TULP4: variants seen among roughly 807,000 people sequenced by gnomAD.
The protein encoded by TULP4 is TUB like protein 4.
A neutral mutation model predicts 129.0 loss-of-function variants in TULP4; 16 were observed. The observed-to-expected ratio is 0.12, with a 90% CI of 0.08 to 0.19. The LOEUF (loss-of-function observed/expected upper bound fraction) is 0.19. TULP4 is among the 10% of genes least tolerant of loss of function. TULP4 has a pLI of 1.00. For missense variants in TULP4, 1,842 were observed against 2,059.1 expected, an observed-to-expected ratio of 0.89 and a Z score of 2.04; for synonymous variants, 998 against 854.0, an observed-to-expected ratio of 1.17 and a Z score of -2.94.
chr6:158,465,106 A>G (rs1005805717), intron 6 of TULP4, among the ~76,000 whole-genome samples: 3 of 152,166 alleles, frequency 2.0e-5, no homozygotes, highest in African/African-American at 7.2e-5. Flanking sequence ...TAAACCCCAA[A>G]GGGATGGGGG....
chr6:158,379,335 C>CA lies in TULP4; in HGVS notation c.253-33730_253-33729insA, dbSNP rs1190178163. On this transcript the variant is annotated intron_variant, in intron 1 of 13. Transcript: ENST00000367097. ...TTTCTCAAGGGATTGCCCCAACTCT[C>CA]TTGAGGTAGGGCCAGTGAGGATTCC... Among the ~76,000 whole-genome samples, 4 of 152,156 alleles carry CA rather than the reference C, an allele frequency of 2.6e-5. No individual in the cohort carries two copies. The East Asian group carries it at 5.8e-4, about 22-fold the overall frequency.
At chr6:158,482,923 C>T (rs1779980317) in intron 8 of TULP4, among the ~76,000 whole-genome samples, 1 of 152,206 alleles carries the variant, frequency 6.6e-6, no homozygotes, top group African/African-American at 2.4e-5. Flanking sequence ...CCTTCCGGTT[C>T]ATGTTTATCA....
At chr6:158,440,220 A>G (rs907677848) in intron 3 of TULP4, among the ~76,000 whole-genome samples, 1 of 142,138 alleles carries the variant, frequency 7.0e-6, no homozygotes, top group African/African-American at 2.6e-5. Context: ...GGGGAGGCTG[A>G]GGTGGGAGGA....
At chr6:158,320,207 T>C (rs1779593157) in intron 1 of TULP4, among the ~76,000 whole-genome samples, 1 of 152,204 alleles carries the variant, frequency 6.6e-6, no homozygotes, top group South Asian at 2.1e-4. Context: ...ATTTGTCCTT[T>C]TACTGTGAAG....
intron 1 of TULP4, among the ~76,000 whole-genome samples, chr6:158,246,023 GGTGTGTGTGTGTGT>G (rs66690741): frequency 6.4e-4 from 93 of 145,920 alleles, no homozygotes; most frequent in East Asian, 4.1e-3. Context: ...ACCCCTTAGG[GGTGTGTGTGTGTGT>G]GTGTGTGTGT....
At chr6:158,397,546 A>G (rs868762547) in intron 1 of TULP4, among the ~76,000 whole-genome samples, 3 of 151,300 alleles carry the variant, frequency 2.0e-5, no homozygotes, top group African/African-American at 4.9e-5. Flanking sequence ...GTCATCAGCT[A>G]TTGTTAGGTG....
chr6:158,360,061 A>G (rs1780747304), intron 1 of TULP4, among the ~76,000 whole-genome samples: 1 of 151,906 alleles, frequency 6.6e-6, no homozygotes, highest in Non-Finnish European at 1.5e-5. Context: ...GTAAAATAAG[A>G]CAGTTGAAGC....
intron 1 of TULP4, among the ~76,000 whole-genome samples, chr6:158,294,949 G>C (rs1047201493): frequency 1.3e-5 from 2 of 152,174 alleles, no homozygotes; most frequent in Non-Finnish European, 2.9e-5. Flanking sequence ...GGGCTCAAGT[G>C]ATCTGCCTGT....
At chr6:158,250,479 A>G (rs765939227) in intron 1 of TULP4, among the ~76,000 whole-genome samples, 12 of 152,128 alleles carry the variant, frequency 7.9e-5, no homozygotes, top group Non-Finnish European at 1.5e-4. Context: ...CTTTAGAGAG[A>G]GATATAGAAG....
At position 158,493,501 on chromosome 6, in the gene TULP4, A is replaced by G. The variant is rs1283402517; in HGVS notation, c.1632-72A>G. 1.5e-6 allele frequency: 2 copies of G among 1,373,192 alleles called. No individual in the cohort carries two copies. The highest frequency in any genetic ancestry group is 3.0e-5 in the Admixed American group (1 of 33,292). The allele number at this position is 1,373,192 out of a possible 1,614,324, so 85.1% of individuals were successfully genotyped here. A position where few individuals can be genotyped will look rare whatever the true frequency, so the allele number is the denominator to read the frequency against. On this transcript the variant is annotated intron_variant, in intron 9 of 13. Transcript: ENST00000367097. This position sits in a 1 kb window ranked among gnomAD's most constrained non-coding sequence, Gnocchi z 4.4. ...GGCTGGCTGTCCAGAAAAAGAAAGG[A>G]CTGCTGGAGTCAGGGCCATGCTCAC...
intron 1 of TULP4, among the ~76,000 whole-genome samples, chr6:158,294,134 C>T (rs1001611805): frequency 7.2e-5 from 11 of 152,100 alleles, no homozygotes; most frequent in African/African-American, 2.4e-4. Flanking sequence ...AAGACCGAGG[C>T]GGGTGGATCA....
rs1169587213 is a variant in TULP4, at chr6:158,444,088, C to T, written c.544-4908C>T. On this transcript the variant is annotated intron_variant, in intron 3 of 13. Coordinates refer to ENST00000367097, the MANE Select transcript of TULP4 (RefSeq NM_020245.5). ...ACAAAAAATTAGCCTGGCGTGGTGG[C>T]GCAAGCCTGTAGTCCCAGCTACTCG... 1.1e-4 allele frequency among the ~76,000 whole-genome samples: 17 copies of T among 151,644 alleles called. 1 individual carries two copies. The highest frequency in any genetic ancestry group is 5.3e-4 in the Admixed American group (8 of 15,214).
rs762862451 is a variant in TULP4 at position 158,502,577 on chromosome 6, C to G, written c.2914C>G (p.Arg972Gly). Residue 972 changes from arginine (R) to glycine (G), a missense_variant, in exon 13 of 14, where the codon CGG becomes GGG. Transcript: ENST00000367097. ...AATTGCCAGCCAGCTGGCCCAGGGG[C>G]GGGGGGCTGCCCAGAGGTCCGACAA... ...PEIASQLAQG[R>G]GAAQRSDNSL... is the part of the protein sequence containing the mutation. 27 of 1,603,760 alleles carry G rather than the reference C, an allele frequency of 1.7e-5. No homozygotes were observed. In the South Asian group the frequency reaches 2.7e-4, roughly 16 times the overall value.
At chr6:158,468,814 G>T (rs549389105) in intron 6 of TULP4, among the ~76,000 whole-genome samples, 1 of 152,310 alleles carries the variant, frequency 6.6e-6, no homozygotes, top group South Asian at 2.1e-4. Flanking sequence ...CATAGATGGC[G>T]CCTTGTGCCT....
At chr6:158,311,366 G>T (rs996892142), upstream of TULP4, among the ~76,000 whole-genome samples, 1 of 152,146 alleles carries the variant, frequency 6.6e-6, no homozygotes, top group Non-Finnish European at 1.5e-5. Flanking sequence ...TGGCGGGGCG[G>T]GAGGGCAGGG....
In TULP4 at chr6:158,502,863, C is replaced by G; in HGVS notation, c.3200C>G (p.Ser1067Cys). ...GCCTCCCCGTTGGCCTCCCAGTCCT[C>G]CTACAGCCTCCTGAGCCCACCCGAC... Reference protein sequence around the residue: ...ASASPLASQSSYSLLSPPDSA... With the variant: ...ASASPLASQSCYSLLSPPDSA... The change falls in exon 13 of 14, where the codon TCC (serine) becomes TGC (cysteine). Residue 1067 changes from serine (S) to cysteine (C), a missense_variant. Physicochemically the swap from Ser to Cys is moderately radical, Grantham distance 112. Around this residue, in one of 5 missense-constraint regions of TULP4, gnomAD observed 1,089 missense variants for 987.1 expected, o/e 1.10. Coordinates refer to ENST00000367097, the MANE Select transcript of TULP4 (RefSeq NM_020245.5). The G allele has an allele frequency of 6.2e-7, 1 of 1,613,880 alleles. No individual in the cohort carries two copies. Among genetic ancestry groups the G allele is most frequent in the South Asian group, 1.1e-5 (1 of 91,078 alleles).
At chr6:158,425,547 C>T (rs1320665367) in intron 2 of TULP4, among the ~76,000 whole-genome samples, 1 of 147,942 alleles carries the variant, frequency 6.8e-6, no homozygotes, top group Non-Finnish European at 1.5e-5. Context: ...TGGCAGCCGA[C>T]GCAAGTGTAA....
At chr6:158,343,589 G>A (rs1255000541) in intron 1 of TULP4, among the ~76,000 whole-genome samples, 2 of 152,100 alleles carry the variant, frequency 1.3e-5, no homozygotes, top group African/African-American at 4.8e-5. Flanking sequence ...AGGAGAAGGT[G>A]GCCACCTGCA....
At chr6:158,400,867 T>C (rs563561083) in intron 1 of TULP4, among the ~76,000 whole-genome samples, 2 of 152,182 alleles carry the variant, frequency 1.3e-5, no homozygotes, top group South Asian at 4.2e-4. Context: ...AACCAAACAT[T>C]ATACAGTACA....
Sources: gnomAD v4.1 joint callset for allele counts (sites outside exome capture counted in the v4.1 genomes callset) on GRCh38, gnomAD v4.1.1 for gene constraint, gnomAD v4.1.1 regional missense constraint, Gnocchi (gnomAD v3.1) non-coding constraint, MANE v1.5 for transcripts, NCBI Gene and HGNC (gene_info 2026-07-23, HGNC 2026-07-21) for gene names.